GSR: variants seen among roughly 807,000 people sequenced by gnomAD.
The protein encoded by GSR is glutathione reductase, mitochondrial.
A neutral mutation model predicts 56.5 loss-of-function variants in GSR; 48 were observed. That is an observed-to-expected ratio of 0.85 (90% CI 0.67 to 1.08). GSR has a LOEUF of 1.08. Ranked by LOEUF, GSR falls within the 50% of genes least tolerant of loss-of-function variation. GSR has a pLI of 0.00. For synonymous variants in GSR, 264 were observed against 270.8 expected, an observed-to-expected ratio of 0.97 and a Z score of 0.25; for missense variants, 694 against 703.3, an observed-to-expected ratio of 0.99 and a Z score of 0.15.
intron 10 of GSR, among the ~76,000 whole-genome samples, chr8:30,682,541 T>C (rs999152285): frequency 2.0e-5 from 3 of 152,220 alleles, no homozygotes; most frequent in South Asian, 2.1e-4. Context: ...ATTATATATA[T>C]GCAAATATTC....
In GSR at chr8:30,680,324, C is replaced by T. The variant is rs549771769; in HGVS notation, c.1419+580G>A. On this transcript the variant is annotated intron_variant, in intron 12 of 12. Transcript: ENST00000221130. ...GCTCAGGCAATCCGCCTACCTTGGC[C>T]TCCCAAAGTGTTAGGATTATAGGCG... 2.0e-5 allele frequency among the ~76,000 whole-genome samples: 3 copies of T among 151,764 alleles called. No individual in the cohort carries two copies. The East Asian group carries it at 5.8e-4, about 29-fold the overall frequency.
chr8:30,704,106 C>T (rs1245510044), intron 4 of GSR, among the ~76,000 whole-genome samples: 1 of 152,006 alleles, frequency 6.6e-6, no homozygotes, highest in Non-Finnish European at 1.5e-5. Context: ...AGGCAGATCA[C>T]CTGAGGTCGG....
At chr8:30,714,492 C>T (rs1272039119) in intron 1 of GSR, among the ~76,000 whole-genome samples, 7 of 150,994 alleles carry the variant, frequency 4.6e-5, no homozygotes, top group Non-Finnish European at 4.4e-5. Flanking sequence ...TGAGCCATCA[C>T]GCCTGGATAT....
chr8:30,690,058 TATAA>T (rs1355992937), intron 8 of GSR, among the ~76,000 whole-genome samples: 1 of 143,764 alleles, frequency 7.0e-6, no homozygotes, highest in African/African-American at 2.5e-5. Context: ...TAAATATACA[TATAA>T]ATAAAATATA....
intron 1 of GSR, among the ~76,000 whole-genome samples, chr8:30,714,970 T>C (rs1391203147): frequency 6.6e-6 from 1 of 152,130 alleles, no homozygotes; most frequent in Non-Finnish European, 1.5e-5. Flanking sequence ...AAGTACTTCA[T>C]ACTAAAAATT....
At chr8:30,706,993 G>C (rs1450663149) in intron 4 of GSR, 1 of 152,168 alleles carries the variant, frequency 6.6e-6, no homozygotes, top group Non-Finnish European at 1.5e-5. Flanking sequence ...AAATTACCCA[G>C]GCGTGGTGGT....
chr8:30,709,550 G>A (rs1233647290), intron 3 of GSR, among the ~76,000 whole-genome samples: 1 of 152,132 alleles, frequency 6.6e-6, no homozygotes, highest in Non-Finnish European at 1.5e-5. Context: ...GGGGAGAAGA[G>A]AATGAGGGGT....
intron 4 of GSR, chr8:30,704,941 T>C (rs1263939995): frequency 6.6e-6 from 1 of 152,218 alleles, no homozygotes; most frequent in Non-Finnish European, 1.5e-5. Context: ...AGATTTTTAC[T>C]TTCAGTTTCC....
At chr8:30,681,412 G>C (rs1304871100) in intron 11 of GSR, among the ~76,000 whole-genome samples, 2 of 152,084 alleles carry the variant, frequency 1.3e-5, no homozygotes, top group African/African-American at 4.8e-5. Context: ...GGTAGTCCCA[G>C]CTATTCGGGA....
intron 8 of GSR, among the ~76,000 whole-genome samples, chr8:30,689,986 ATATATG>A (rs1212084110): frequency 8.0e-6 from 1 of 125,170 alleles, no homozygotes; most frequent in East Asian, 2.2e-4. Context: ...ATAAATGTAT[ATATATG>A]TATATTTATA....
chr8:30,711,902 A>G (rs1208859251), intron 2 of GSR, among the ~76,000 whole-genome samples, 160 bp downstream of exon 2: 2 of 152,004 alleles, frequency 1.3e-5, no homozygotes, highest in African/African-American at 4.8e-5. Context: ...AACACAAATC[A>G]AACAAAAACA....
intron 1 of GSR, among the ~76,000 whole-genome samples, chr8:30,717,909 G>C (rs138201593): frequency 0.019 from 2,829 of 152,018 alleles, 94 homozygotes; most frequent in African/African-American, 0.065. Context: ...AGACCAGCCT[G>C]GCCAACATGG....
intron 7 of GSR, among the ~76,000 whole-genome samples, chr8:30,695,262 G>A (rs528976477): frequency 6.6e-6 from 1 of 152,148 alleles, no homozygotes; most frequent in East Asian, 1.9e-4. Context: ...TTGAGACAGA[G>A]TCTTGCTCTG....
intron 10 of GSR, 148 bp downstream of exon 10, chr8:30,683,940 T>C: frequency 1.4e-6 from 1 of 719,646 alleles, no homozygotes; most frequent in Non-Finnish European, 2.6e-6. Flanking sequence ...CCAACCAATA[T>C]CTATTTCAAC....
intron 1 of GSR, 128 bp downstream of exon 1, chr8:30,727,402 T>C (rs1202935545): frequency 5.5e-6 from 5 of 909,076 alleles, no homozygotes; most frequent in African/African-American, 3.5e-5. Context: ...GAATGGGGAG[T>C]TGCGGGGGTG....
intron 3 of GSR, among the ~76,000 whole-genome samples, chr8:30,709,560 T>G (rs576532182): frequency 6.6e-6 from 1 of 151,958 alleles, no homozygotes; most frequent in East Asian, 1.9e-4. Context: ...GAATGAGGGG[T>G]TATTGTTTAA....
At chr8:30,716,717 G>C (rs1487845758) in intron 1 of GSR, among the ~76,000 whole-genome samples, 1 of 152,230 alleles carries the variant, frequency 6.6e-6, no homozygotes, top group East Asian at 1.9e-4. Context: ...TGAGGCAGGA[G>C]AATCACTTGA....
chr8:30,720,668 A>AGG (rs1270404752), intron 1 of GSR, among the ~76,000 whole-genome samples: 1 of 68,454 alleles, frequency 1.5e-5, no homozygotes, highest in East Asian at 6.5e-4. Context: ...CTTGAGAAAA[A>AGG]GAGAAAAAAA....
rs115387627 is a variant in GSR, at chr8:30,718,775, A to T, written c.307-6687T>A. On this transcript the variant is annotated intron_variant, in intron 1 of 12. Coordinates refer to ENST00000221130, the MANE Select transcript of GSR (RefSeq NM_000637.5). ...GTTTCTTTTTTTCTTTTTGAGACAG[A>T]GTCTCACTCTGTCGCCCAGACTGGA... Among the ~76,000 whole-genome samples the T allele has an allele frequency of 9.3e-3, 1,415 of 152,154 alleles. 24 individuals carry two copies. The highest frequency in any genetic ancestry group is 0.032 in the African/African-American group (1,316 of 41,502).
Sources: allele counts gnomAD v4.1 joint callset (sites outside exome capture counted in the v4.1 genomes callset), GRCh38; gene constraint gnomAD v4.1.1; transcripts MANE v1.5; gene names NCBI Gene and HGNC (gene_info 2026-07-23, HGNC 2026-07-21).